Variants in ZZEF1 observed in about 807,000 individuals in gnomAD.
ZZEF1 encodes zinc finger ZZ-type and EF-hand domain containing 1.
A neutral mutation model predicts 342.8 loss-of-function variants in ZZEF1; 157 were observed. The observed-to-expected ratio is 0.46, with a 90% CI of 0.40 to 0.52. ZZEF1 has a LOEUF of 0.52. Among genes scored for constraint, ZZEF1 ranks in the 20% least tolerant of loss-of-function variants. The probability of loss-of-function intolerance (pLI) is 0.00; values close to 1 mark genes in which losing one functional copy is unlikely to be tolerated. For synonymous variants in ZZEF1, 1,505 were observed against 1,429.1 expected (o/e 1.05, Z -1.20); for missense variants, 3,480 against 3,725.6 (o/e 0.93, Z 1.72).
At position 4,109,698 on chromosome 17, in the gene ZZEF1, A is replaced by T; in HGVS notation, c.1232T>A (p.Met411Lys). 1 of 1,614,208 alleles carries T rather than the reference A, an allele frequency of 6.2e-7. No individual in the cohort carries two copies. The highest frequency in any genetic ancestry group is 1.7e-5 in the Admixed American group (1 of 60,012). The stretch of plus-strand genomic sequence containing the variant: ...CTGGACAAAGGCGGGATTTGTCTCC[A>T]TAGAAGCCGTCACCAGAGATGTCAG... ...SLLTSLVTASMETNPAFVQTV... is the reference protein window; with the variant it reads ...SLLTSLVTASKETNPAFVQTV... The change falls in exon 6 of 55, where the codon ATG (methionine) becomes AAG (lysine). Residue 411 changes from methionine to lysine, a missense_variant. By Grantham distance (95) the Met-to-Lys change is moderately conservative. This residue lies in a region of ZZEF1 where 1,528 missense variants were observed against 1,624.1 expected (regional missense o/e 0.94). Transcript: ENST00000381638.
intron 45 of ZZEF1, chr17:4,020,028 C>T (rs2056226266): frequency 5.2e-6 from 2 of 382,632 alleles, no homozygotes; most frequent in Admixed American, 4.9e-5. Context: ...CAACAAAATA[C>T]AATGCTGACA....
At chr17:4,069,354 T>C (rs2057464810) in intron 26 of ZZEF1, among the ~76,000 whole-genome samples, 1 of 152,170 alleles carries the variant, frequency 6.6e-6, no homozygotes, top group East Asian at 1.9e-4. Flanking sequence ...AACTCTTCCA[T>C]ATGACATTTG....
At chr17:4,066,882 T>G (rs781838) in intron 27 of ZZEF1, among the ~76,000 whole-genome samples, 1 of 151,884 alleles carries the variant, frequency 6.6e-6, no homozygotes. Flanking sequence ...AAACTGGCCA[T>G]GGTTACCTAG....
intron 44 of ZZEF1, 151 bp from the exon 45 acceptor site, chr17:4,021,471 TTTAA>T (rs769570029): frequency 1.7e-6 from 1 of 599,676 alleles, no homozygotes; most frequent in Non-Finnish European, 2.7e-6. Flanking sequence ...CGAATGTATG[TTTAA>T]TTACACTTTG....
intron 39 of ZZEF1, among the ~76,000 whole-genome samples, chr17:4,036,757 T>C (rs1597793819): frequency 6.9e-6 from 1 of 145,328 alleles, no homozygotes; most frequent in African/African-American, 2.5e-5. Flanking sequence ...GAATCACTGC[T>C]CTAAATAAAT....
chr17:4,024,746 T>C lies in ZZEF1; in HGVS notation c.7092+173A>G, dbSNP rs146989340. ...AAAGACAGAGAAGCCATCAGGAAAA[T>C]TGTATTTCCTCTTTGAAGTTATCTG... On this transcript the variant is annotated intron_variant, in intron 43 of 54. Coordinates refer to ENST00000381638, the MANE Select transcript of ZZEF1 (RefSeq NM_015113.4). 4.6e-5 allele frequency among the ~76,000 whole-genome samples: 7 copies of C among 152,210 alleles called. No individual in the cohort carries two copies. The East Asian group carries it at 5.8e-4, about 13-fold the overall frequency.
rs1026870292 is a variant in ZZEF1, at chr17:4,096,620, T to G, written c.1753A>C (p.Ile585Leu). 8 of 1,613,794 alleles carry G rather than the reference T, an allele frequency of 5.0e-6. No individual in the cohort carries two copies. Among genetic ancestry groups the G allele is most frequent in the Non-Finnish European group, 6.8e-6 (8 of 1,179,882 alleles). ...AGCACGAAAATTACCATAATTCTTA[T>G]CTGTGTAACTTGGAAGGCAGATTCA... is the stretch of plus-strand genomic sequence containing the variant. ...GTESAFQVTQ[I>L]RIMVRRGGIG... Residue 585 changes from isoleucine (I) to leucine (L), a missense_variant, in exon 10 of 55, where the codon ATA (isoleucine) becomes CTA (leucine). Ile to Leu is a conservative substitution (Grantham distance 5, BLOSUM62 2). Around this residue, in one of 5 missense-constraint regions of ZZEF1, gnomAD observed 1,528 missense variants for 1,624.1 expected, o/e 0.94. Transcript: ENST00000381638.
In ZZEF1 at chr17:4,106,600, C is replaced by T. The variant is rs2058217121; in HGVS notation, c.1278-791G>A. ...TAGCACATCACCGTCTCCATTCCTG[C>T]CATGTTTCTTGGCCTTTCCACCTTA... is the stretch of plus-strand genomic sequence containing the variant. On this transcript the variant is annotated intron_variant, in intron 6 of 54. Transcript: ENST00000381638. Among the ~76,000 whole-genome samples the T allele has an allele frequency of 2.6e-5, 4 of 152,112 alleles. 1 individual carries two copies. Among genetic ancestry groups the T allele is most frequent in the African/African-American group, 7.2e-5 (3 of 41,436 alleles).
chr17:4,017,980 G>A lies in ZZEF1; in HGVS notation c.7506-9C>T. ...GCTCATCACCATCAAACCTGCAGAAGGGCAGCACAAAGTTGAGTACCAACA... is the reference window on the plus strand; with the variant it reads ...GCTCATCACCATCAAACCTGCAGAAAGGCAGCACAAAGTTGAGTACCAACA... On this transcript the variant is annotated splice_polypyrimidine_tract_variant and intron_variant, in intron 46 of 54. Coordinates refer to ENST00000381638, the MANE Select transcript of ZZEF1 (RefSeq NM_015113.4). This position sits in a 1 kb window ranked among gnomAD's most constrained non-coding sequence, Gnocchi z 5.1. The A allele has an allele frequency of 6.2e-7, 1 of 1,612,502 alleles. No homozygotes were observed. Among genetic ancestry groups the A allele is most frequent in the South Asian group, 1.1e-5 (1 of 91,076 alleles).
At position 4,095,893 on chromosome 17, in the gene ZZEF1, G is replaced by C. The variant is rs202097269; in HGVS notation, c.1851C>G (p.Phe617Leu). Reference sequence around the variant, plus strand: ...ATTTGTCATATTTTTCAAACCTTTTGAAGTGTTCTTCCGCACAAAATTTAT... The same window carrying C: ...ATTTGTCATATTTTTCAAACCTTTTCAAGTGTTCTTCCGCACAAAATTTAT... ...SSDKFCAEEH[F>L]KRFEKYDKWK... The change falls in exon 11 of 55, where the codon TTC (phenylalanine) becomes TTG (leucine). Residue 617 changes from phenylalanine (F) to leucine (L), a missense_variant. This residue lies in a region of ZZEF1 where 1,528 missense variants were observed against 1,624.1 expected (regional missense o/e 0.94). Coordinates refer to ENST00000381638, the MANE Select transcript of ZZEF1 (RefSeq NM_015113.4). 14 of 1,613,506 alleles carry C rather than the reference G, an allele frequency of 8.7e-6. No homozygotes were observed. Among genetic ancestry groups the C allele is most frequent in the African/African-American group, 4.0e-5 (3 of 74,870 alleles).
chr17:4,086,434 C>T (rs1362134103), intron 15 of ZZEF1, 52 bp downstream of exon 15: 1 of 1,590,446 alleles, frequency 6.3e-7, no homozygotes, highest in East Asian at 2.2e-5. Context: ...AGCAAGAGGC[C>T]CTTCACGCTA....
At chr17:4,036,776 T>TACACACACACACACACAC (rs761229612) in intron 39 of ZZEF1, among the ~76,000 whole-genome samples, 2 of 99,914 alleles carry the variant, frequency 2.0e-5, no homozygotes, top group African/African-American at 3.8e-5. Context: ...ATATATAGAA[T>TACACACACACACACACAC]ACACACACAC....
intron 26 of ZZEF1, among the ~76,000 whole-genome samples, chr17:4,069,895 T>A (rs1368717304): frequency 3.3e-5 from 5 of 152,118 alleles, no homozygotes; most frequent in Non-Finnish European, 5.9e-5. Context: ...GGAAGGAAGC[T>A]CTGTTTTTGC....
In ZZEF1 at chr17:4,059,263, A is replaced by G; in HGVS notation, c.4911T>C (p.Gly1637=). 1 of 1,572,442 alleles carries G rather than the reference A, an allele frequency of 6.4e-7. No homozygotes were observed. The highest frequency in any genetic ancestry group is 1.7e-4 in the Middle Eastern group (1 of 5,958). Residue 1637 remains glycine (G), a synonymous_variant, in exon 31 of 55, where the codon GGT becomes GGC. Coordinates refer to ENST00000381638, the MANE Select transcript of ZZEF1 (RefSeq NM_015113.4). ...TNYFGHLEGC[G]ADLHKEIRDT... Reference sequence around the variant, plus strand: ...CTCGAATTTCTTTGTGTAGATCAGCACCACAGCCTTCCAGGTGTCCAAAAT... The same window carrying G: ...CTCGAATTTCTTTGTGTAGATCAGCGCCACAGCCTTCCAGGTGTCCAAAAT...
chr17:4,068,030 A>C (rs893048015), intron 26 of ZZEF1, among the ~76,000 whole-genome samples: 1 of 152,326 alleles, frequency 6.6e-6, no homozygotes, highest in South Asian at 2.1e-4. Context: ...GTGAGCTACA[A>C]CTGTGCCCCT....
intron 26 of ZZEF1, among the ~76,000 whole-genome samples, chr17:4,069,727 G>T (rs9900421): frequency 0.16 from 24,212 of 151,996 alleles, 2,134 homozygotes; most frequent in African/African-American, 0.24. Context: ...GCTACTCGGG[G>T]GGCTGAGGAA....
chr17:4,081,620 A>C (rs2057725779), intron 17 of ZZEF1, 130 bp from the exon 18 acceptor site: 1 of 730,408 alleles, frequency 1.4e-6, no homozygotes, highest in Non-Finnish European at 2.2e-6. Context: ...AGTTTGGGTC[A>C]GGAATACAGG....
At chr17:4,040,987 T>C (rs1350691780) in intron 39 of ZZEF1, among the ~76,000 whole-genome samples, 2 of 152,136 alleles carry the variant, frequency 1.3e-5, no homozygotes, top group Admixed American at 6.5e-5. Flanking sequence ...CTGAGGCAGC[T>C]AAAGTTAGCA....
chr17:4,112,877 C>T lies in ZZEF1; in HGVS notation c.867-69G>A, dbSNP rs532663824. On this transcript the variant is annotated intron_variant, in intron 4 of 54. Coordinates refer to ENST00000381638, the MANE Select transcript of ZZEF1 (RefSeq NM_015113.4). ...CAAGAACTGACAGGATCCAGAAGTC[C>T]CACCTCAAAGAGCTTACATTTGATA... The T allele has an allele frequency of 1.7e-4, 229 of 1,351,654 alleles. 2 individuals are homozygous for T. The South Asian group carries it at 2.8e-3, about 16-fold the overall frequency. The allele number at this position is 1,351,654 out of a possible 1,614,324, so 83.7% of individuals were successfully genotyped here. A position where few individuals can be genotyped will look rare whatever the true frequency, so the allele number is the denominator to read the frequency against.
Sources: allele counts gnomAD v4.1 joint callset (sites outside exome capture counted in the v4.1 genomes callset), GRCh38; gene constraint gnomAD v4.1.1; regional missense constraint gnomAD v4.1.1; non-coding constraint Gnocchi (gnomAD v3.1); transcripts MANE v1.5; gene names NCBI Gene and HGNC (gene_info 2026-07-23, HGNC 2026-07-21).